Variants in SAMSN1 observed in about 807,000 individuals in gnomAD.
SAMSN1 encodes SAM domain-containing protein SAMSN-1.
In SAMSN1, 31 loss-of-function variants were observed where a neutral mutation model predicts 42.0. The observed-to-expected ratio is 0.74, with a 90% CI of 0.55 to 1.00. SAMSN1 has a LOEUF of 1.00. SAMSN1 is among the 50% of genes least tolerant of loss of function. The pLI is 0.00. For synonymous variants in SAMSN1, 178 were observed against 151.9 expected (o/e 1.17, Z -1.26); for missense variants, 464 against 439.4 (o/e 1.06, Z -0.50).
chr21:14,509,999 C>T (rs1423767251), intron 5 of SAMSN1, among the ~76,000 whole-genome samples: 6 of 151,888 alleles, frequency 4.0e-5, no homozygotes, highest in East Asian at 1.9e-4. Flanking sequence ...ATTAGCCGGG[C>T]GTGGTGGCGG....
At chr21:14,606,303 CTGAT>C (rs1212356213) in intron 5 of SAMSN1, among the ~76,000 whole-genome samples, 2 of 152,260 alleles carry the variant, frequency 1.3e-5, no homozygotes, top group African/African-American at 4.8e-5. Flanking sequence ...CACAGTTACA[CTGAT>C]TGATTGAAAA....
At chr21:14,614,551 C>T (rs777569176) in intron 3 of SAMSN1, among the ~76,000 whole-genome samples, 1 of 152,142 alleles carries the variant, frequency 6.6e-6, no homozygotes, top group Non-Finnish European at 1.5e-5. Context: ...TAGTCATGTG[C>T]TCGCTTCGGC....
chr21:14,618,510 A>G (rs1370650628), intron 2 of SAMSN1, among the ~76,000 whole-genome samples: 7 of 152,224 alleles, frequency 4.6e-5, no homozygotes, highest in Admixed American at 4.6e-4. Flanking sequence ...CAGCTGTGGA[A>G]AATGTAAATG....
intron 1 of SAMSN1, among the ~76,000 whole-genome samples, chr21:14,657,524 G>A (rs1024134719): frequency 3.3e-5 from 5 of 151,800 alleles, no homozygotes; most frequent in Non-Finnish European, 5.9e-5. Flanking sequence ...CTATGTTATA[G>A]AAACATTAGC....
intron 1 of SAMSN1, among the ~76,000 whole-genome samples, chr21:14,582,797 T>G (rs1217718768): frequency 1.3e-5 from 2 of 151,968 alleles, no homozygotes; most frequent in Non-Finnish European, 2.9e-5. Context: ...GAGAAAAAAA[T>G]ACAATTAAAA....
chr21:14,630,485 G>A (rs1983301163), intron 2 of SAMSN1, among the ~76,000 whole-genome samples: 2 of 151,416 alleles, frequency 1.3e-5, no homozygotes, highest in South Asian at 2.1e-4. Context: ...AAAGAACAGA[G>A]CACAATTAAC....
chr21:14,634,010 T>G (rs568696244), intron 2 of SAMSN1, among the ~76,000 whole-genome samples: 1 of 152,226 alleles, frequency 6.6e-6, no homozygotes, highest in South Asian at 2.1e-4. Flanking sequence ...TGCTGATGAG[T>G]AAGTGTATAA....
chr21:14,546,535 A>T (rs1424874330), upstream of SAMSN1, among the ~76,000 whole-genome samples: 1 of 152,140 alleles, frequency 6.6e-6, no homozygotes, highest in African/African-American at 2.4e-5. Flanking sequence ...TGAGAGCCAT[A>T]AGGATTTCAA....
intron 2 of SAMSN1, among the ~76,000 whole-genome samples, chr21:14,631,829 A>C (rs1033351629): frequency 2.0e-5 from 3 of 152,152 alleles, no homozygotes; most frequent in African/African-American, 7.2e-5. Context: ...GTTACTCTCT[A>C]GATATTTTGA....
At chr21:14,590,568 C>T (rs1982051678) in intron 7 of SAMSN1, among the ~76,000 whole-genome samples, 1 of 147,796 alleles carries the variant, frequency 6.8e-6, no homozygotes, top group Admixed American at 6.9e-5. Flanking sequence ...CAGGCGTGAG[C>T]CATCACATGT....
At chr21:14,576,264 T>G (rs1179241084) in intron 2 of SAMSN1, among the ~76,000 whole-genome samples, 1 of 152,052 alleles carries the variant, frequency 6.6e-6, no homozygotes, top group African/African-American at 2.4e-5. Flanking sequence ...GTCAAGAAAA[T>G]TAATCTGTTA....
chr21:14,486,359 A>G (rs1207138968), intron 7 of SAMSN1, among the ~76,000 whole-genome samples: 1 of 152,166 alleles, frequency 6.6e-6, no homozygotes, highest in Non-Finnish European at 1.5e-5. Flanking sequence ...GTTTCATGGA[A>G]TTCATGTGAA....
chr21:14,623,473 A>C (rs1259761314), intron 2 of SAMSN1, among the ~76,000 whole-genome samples: 1 of 152,210 alleles, frequency 6.6e-6, no homozygotes, highest in Non-Finnish European at 1.5e-5. Flanking sequence ...AGGGGTTGCA[A>C]TCCTAGTCTC....
chr21:14,579,386 G>A (rs2822778), intron 2 of SAMSN1, among the ~76,000 whole-genome samples: 66,038 of 151,948 alleles, frequency 0.43, 14,681 homozygotes, highest in African/African-American at 0.54. Context: ...AAATATGACT[G>A]TTGTGTATTT....
At chr21:14,576,035 A>G (rs1981449616) in intron 2 of SAMSN1, among the ~76,000 whole-genome samples, 2 of 152,204 alleles carry the variant, frequency 1.3e-5, no homozygotes, top group Non-Finnish European at 1.5e-5. Flanking sequence ...AAAAAATATC[A>G]TTGTGCTTGA....
chr21:14,641,766 C>T (rs1983603445), intron 2 of SAMSN1, among the ~76,000 whole-genome samples: 1 of 152,090 alleles, frequency 6.6e-6, no homozygotes, highest in Non-Finnish European at 1.5e-5. Flanking sequence ...TAAGCCACAA[C>T]AAAAGTAAAA....
At chr21:14,615,901 G>A (rs1423312439) in intron 3 of SAMSN1, 10 of 323,364 alleles carry the variant, frequency 3.1e-5, no homozygotes, top group South Asian at 1.4e-4. Flanking sequence ...ACTTTGGCAC[G>A]AAGTCCACTA....
At chr21:14,617,510 C>G (rs1000595683) in intron 2 of SAMSN1, among the ~76,000 whole-genome samples, 1 of 152,112 alleles carries the variant, frequency 6.6e-6, no homozygotes, top group Non-Finnish European at 1.5e-5. Flanking sequence ...TTGGAACTCA[C>G]TAGGAAAGAA....
intron 2 of SAMSN1, among the ~76,000 whole-genome samples, chr21:14,581,360 T>C (rs1352813640): frequency 1.8e-5 from 2 of 110,014 alleles, no homozygotes; most frequent in African/African-American, 6.7e-5. Context: ...TTTTTTTTTT[T>C]TTTTTTTTTT....
Sources: gnomAD v4.1 joint callset for allele counts (sites outside exome capture counted in the v4.1 genomes callset) on GRCh38, gnomAD v4.1.1 for gene constraint, MANE v1.5 for transcripts, NCBI Gene and HGNC (gene_info 2026-07-23, HGNC 2026-07-21) for gene names.